TPST2: variants seen among roughly 807,000 people sequenced by gnomAD.
The protein encoded by TPST2 is protein-tyrosine sulfotransferase 2.
A neutral mutation model predicts 27.8 loss-of-function variants in TPST2; 16 were observed. The ratio of observed to expected loss-of-function variants is 0.58; its 90% CI spans 0.39 to 0.88. The LOEUF is 0.88. Among genes scored for constraint, TPST2 ranks in the 40% least tolerant of loss-of-function variants. The pLI is 0.00. For synonymous variants in TPST2, 229 were observed against 231.7 expected (o/e 0.99, Z 0.10); for missense variants, 464 against 543.1 (o/e 0.85, Z 1.45).
intron 1 of TPST2, among the ~76,000 whole-genome samples, chr22:26,559,516 A>G (rs1367893628): frequency 2.0e-5 from 3 of 152,318 alleles, no homozygotes; most frequent in Non-Finnish European, 4.4e-5. Flanking sequence ...TTCATCACCC[A>G]AAGAGAAACC....
chr22:26,540,303 A>G (rs1925721106), intron 3 of TPST2, among the ~76,000 whole-genome samples: 1 of 152,152 alleles, frequency 6.6e-6, no homozygotes, highest in Non-Finnish European at 1.5e-5. Flanking sequence ...GCATATTCAA[A>G]GTTTGCAGAT....
intron 1 of TPST2, among the ~76,000 whole-genome samples, chr22:26,564,738 T>C (rs1237754873): frequency 6.6e-6 from 1 of 152,206 alleles, no homozygotes; most frequent in Admixed American, 6.5e-5. Context: ...GGCACTGTTA[T>C]TCTCCCCATT....
chr22:26,536,561 T>C (rs1363089576), intron 3 of TPST2, 75 bp from the exon 4 acceptor site: 8 of 1,327,906 alleles, frequency 6.0e-6, no homozygotes, highest in Non-Finnish European at 7.9e-6. Flanking sequence ...GCTCAGCCAC[T>C]CTGGGGCAGC....
chr22:26,570,069 A>C (rs1602296228), intron 1 of TPST2, among the ~76,000 whole-genome samples: 1 of 151,234 alleles, frequency 6.6e-6, no homozygotes, highest in African/African-American at 2.4e-5. Context: ...GAAAGAAGGA[A>C]AGAAAGAAAG....
At chr22:26,565,897 G>A (rs995936897) in intron 1 of TPST2, among the ~76,000 whole-genome samples, 17 of 151,854 alleles carry the variant, frequency 1.1e-4, no homozygotes, top group Non-Finnish European at 2.4e-4. Context: ...CAGTAGAAAT[G>A]GCTAATCTGT....
chr22:26,585,834 A>G (rs1430147231), intron 1 of TPST2, among the ~76,000 whole-genome samples: 1 of 152,126 alleles, frequency 6.6e-6, no homozygotes, highest in Non-Finnish European at 1.5e-5. Flanking sequence ...GCGGATCACA[A>G]GGTCAGGAGA....
chr22:26,588,168 A>G (rs1928414230), intron 1 of TPST2, among the ~76,000 whole-genome samples: 1 of 149,736 alleles, frequency 6.7e-6, no homozygotes, highest in South Asian at 2.1e-4. Context: ...ATAATAGAAT[A>G]TTATGCAGCC....
In TPST2 at chr22:26,540,878, G is replaced by A; in HGVS notation, c.753C>T (p.Leu251=). The change falls in exon 3 of 7, where the codon CTC becomes CTT. Residue 251 remains leucine, a synonymous_variant. Coordinates refer to ENST00000338754, the MANE Select transcript of TPST2 (RefSeq NM_003595.5). ...AGGCGATGCCGAGGAAGTCGAGGAT[G>A]AGCTTGAGTGAGCGCCTGGGGTGCA... ...LVLHPRRSLK[L]ILDFLGIAWS... The A allele has an allele frequency of 6.2e-7, 1 of 1,614,154 alleles. No individual in the cohort carries two copies. Among genetic ancestry groups the A allele is most frequent in the Non-Finnish European group, 8.5e-7 (1 of 1,180,022 alleles).
chr22:26,560,849 G>C lies in TPST2; in HGVS notation c.-160-16174C>G, dbSNP rs1299413505. ...CGGCCTTCTTCCTGTTCTGCTCTGCGTATCGCCCAAAAATCAAAGGAGAAC... is the reference window on the plus strand; with the variant it reads ...CGGCCTTCTTCCTGTTCTGCTCTGCCTATCGCCCAAAAATCAAAGGAGAAC... On this transcript the variant is annotated intron_variant, in intron 1 of 6. Coordinates refer to ENST00000338754, the MANE Select transcript of TPST2 (RefSeq NM_003595.5). The C allele has an allele frequency of 3.8e-6, 6 of 1,586,390 alleles. No homozygotes were observed. The East Asian group carries it at 1.1e-4, about 30-fold the overall frequency.
At chr22:26,537,525 T>C (rs1206438277) in intron 3 of TPST2, among the ~76,000 whole-genome samples, 1 of 152,206 alleles carries the variant, frequency 6.6e-6, no homozygotes, top group African/African-American at 2.4e-5. Flanking sequence ...CAATCTTGGC[T>C]CACTGCAACC....
intron 1 of TPST2, among the ~76,000 whole-genome samples, chr22:26,571,003 A>G (rs977799518): frequency 6.6e-6 from 1 of 152,130 alleles, no homozygotes; most frequent in African/African-American, 2.4e-5. Context: ...CCCTTGTCTC[A>G]TCAGTTGATT....
intron 1 of TPST2, among the ~76,000 whole-genome samples, chr22:26,546,486 C>T (rs1019186462): frequency 2.6e-5 from 4 of 152,228 alleles, no homozygotes; most frequent in South Asian, 2.1e-4. Context: ...GAAATGCCAG[C>T]GAGCCCAAGA....
At chr22:26,562,956 C>T (rs1927192473) in intron 1 of TPST2, among the ~76,000 whole-genome samples, 1 of 152,162 alleles carries the variant, frequency 6.6e-6, no homozygotes, top group African/African-American at 2.4e-5. Flanking sequence ...TTTGGTGTTA[C>T]AATTAGGGAT....
chr22:26,587,278 C>T (rs1928381438), intron 1 of TPST2, among the ~76,000 whole-genome samples: 1 of 152,186 alleles, frequency 6.6e-6, no homozygotes, highest in Admixed American at 6.5e-5. Context: ...TCACCCCCTC[C>T]TAATACTGTG....
chr22:26,568,896 C>T (rs1302994820), intron 1 of TPST2, among the ~76,000 whole-genome samples: 1 of 136,280 alleles, frequency 7.3e-6, no homozygotes, highest in Non-Finnish European at 1.5e-5. Context: ...ACGGATCTCG[C>T]TCTGTCTCCC....
intron 3 of TPST2, among the ~76,000 whole-genome samples, chr22:26,538,023 T>C (rs1925571633): frequency 6.6e-6 from 1 of 152,150 alleles, no homozygotes; most frequent in Non-Finnish European, 1.5e-5. Flanking sequence ...TTCCTAACTC[T>C]CCCTGTAACA....
At chr22:26,532,354 C>T (rs2283828) in intron 5 of TPST2, among the ~76,000 whole-genome samples, 2,620 of 152,340 alleles carry the variant, frequency 0.017, 48 homozygotes, top group East Asian at 0.09. Flanking sequence ...GATCTCAGCT[C>T]ACTGCGACCT....
rs78247666 is a variant in TPST2, at chr22:26,553,780, G to A, written c.-160-9105C>T. On this transcript the variant is annotated intron_variant, in intron 1 of 6. Coordinates refer to ENST00000338754, the MANE Select transcript of TPST2 (RefSeq NM_003595.5). ...TGTAATATTTGCATAAAACCTACACGTATCCTCCCATATACTTTAAATCAG... is the reference window on the plus strand; with the variant it reads ...TGTAATATTTGCATAAAACCTACACATATCCTCCCATATACTTTAAATCAG... Among the ~76,000 whole-genome samples, 830 of 152,150 alleles carry A rather than the reference G, an allele frequency of 5.5e-3. 8 individuals carry two copies. Among genetic ancestry groups the A allele is most frequent in the African/African-American group, 0.019 (777 of 41,498 alleles).
intron 1 of TPST2, among the ~76,000 whole-genome samples, chr22:26,586,284 A>G (rs1209926664): frequency 6.6e-6 from 1 of 151,908 alleles, no homozygotes; most frequent in Non-Finnish European, 1.5e-5. Context: ...AATACCCTAC[A>G]ATCTCGCCCT....
Sources: allele counts gnomAD v4.1 joint callset (sites outside exome capture counted in the v4.1 genomes callset), GRCh38; gene constraint gnomAD v4.1.1; transcripts MANE v1.5; gene names NCBI Gene and HGNC (gene_info 2026-07-23, HGNC 2026-07-21).